RGL3: variants seen among roughly 807,000 people sequenced by gnomAD.
RGL3 encodes ral guanine nucleotide dissociation stimulator-like 3.
A neutral mutation model predicts 90.6 loss-of-function variants in RGL3; 85 were observed. The observed-to-expected ratio is 0.94, with a 90% CI of 0.79 to 1.12. The LOEUF (loss-of-function observed/expected upper bound fraction) is 1.12, where lower values mean the gene tolerates loss of function less well. RGL3 is among the 50% of genes most tolerant of loss of function. The pLI is 0.00. For missense variants in RGL3, 1,034 were observed against 939.2 expected (o/e 1.10, Z -1.32); for synonymous variants, 408 against 385.5 (o/e 1.06, Z -0.68).
chr19:11,417,119 C>A, intron 2 of RGL3, 60 bp from the exon 3 acceptor site: 4 of 1,215,060 alleles, frequency 3.3e-6, no homozygotes, highest in Non-Finnish European at 4.6e-6. Context: ...CACCCCTTCT[C>A]TAGTCACATT....
At position 11,402,669 on chromosome 19, in the gene RGL3, G is replaced by A. The variant is rs960225093; in HGVS notation, c.1223C>T (p.Thr408Ile). The change falls in exon 10 of 19, where the codon ACC becomes ATC. Residue 408 changes from threonine to isoleucine, a missense_variant. Transcript: ENST00000380456. ...ACTCACTGAGGGCAGGCTGCCTGGG[G>A]TGTTGTCCTCTTCTTGGGATCCCTC... ...ATEGSQEEDN[T>I]PGSLPSKPPP... The A allele has an allele frequency of 7.4e-6, 12 of 1,613,852 alleles. No homozygotes were observed. In the Admixed American group the frequency reaches 1.0e-4, roughly 13 times the overall value.
rs750343055 is a variant in RGL3, at chr19:11,402,562, G to A, written c.1243-21C>T. On this transcript the variant is annotated intron_variant, in intron 10 of 18. Coordinates refer to ENST00000380456, the MANE Select transcript of RGL3 (RefSeq NM_001035223.4). ...GGTTTCTGCAGCCCCCAAAGCTCCA[G>A]TCACTTGGGGCCATTACTGACCCCA... 4.4e-6 allele frequency: 7 copies of A among 1,606,022 alleles called. No homozygotes were observed. In the East Asian group the frequency reaches 1.3e-4, roughly 31 times the overall value.
intron 13 of RGL3, 48 bp from the exon 14 acceptor site, chr19:11,400,345 G>T: frequency 6.8e-7 from 1 of 1,480,038 alleles, no homozygotes; most frequent in Non-Finnish European, 9.1e-7. Flanking sequence ...GAAATACAGG[G>T]GATGGAGAGA....
chr19:11,397,490 G>A lies in RGL3; in HGVS notation c.1854C>T (p.Arg618=), dbSNP rs201757947. 20 of 1,613,512 alleles carry A rather than the reference G, an allele frequency of 1.2e-5. No individual in the cohort carries two copies. In the South Asian group the frequency reaches 1.6e-4, roughly 13 times the overall value. ...TCCCGTGGTCATTGTCGATGCTGAC[G>A]CGGATGACACGGGCCTCCGAGCTCT... ...AQQSSEARVI[R]VSIDNDHGNL... The change falls in exon 17 of 19, where the codon CGC becomes CGT. Residue 618 remains arginine, a synonymous_variant. Coordinates refer to ENST00000380456, the MANE Select transcript of RGL3 (RefSeq NM_001035223.4).
intron 5 of RGL3, among the ~76,000 whole-genome samples, chr19:11,408,265 G>T (rs1599437951): frequency 6.6e-6 from 1 of 152,216 alleles, no homozygotes; most frequent in Non-Finnish European, 1.5e-5. Flanking sequence ...GCGCCTGGCT[G>T]TGGATTTCGT....
intron 2 of RGL3, 68 bp downstream of exon 2, chr19:11,418,603 C>G: frequency 7.8e-7 from 1 of 1,287,918 alleles, no homozygotes; most frequent in Non-Finnish European, 1.1e-6. Flanking sequence ...GGCCTGTGCT[C>G]GGCTCTCCAG....
At chr19:11,398,276 C>A (rs1968612540) in intron 16 of RGL3, among the ~76,000 whole-genome samples, 1 of 152,172 alleles carries the variant, frequency 6.6e-6, no homozygotes, top group East Asian at 1.9e-4. Flanking sequence ...TGCCAATGAA[C>A]AACCCCACAC....
chr19:11,402,964 C>G (rs1292796407), intron 9 of RGL3, among the ~76,000 whole-genome samples: 1 of 151,930 alleles, frequency 6.6e-6, no homozygotes, highest in African/African-American at 2.4e-5. Flanking sequence ...AAAAATTAGC[C>G]GGGTATGGTG....
In RGL3 at chr19:11,418,796, G is replaced by A. The variant is rs1440189314; in HGVS notation, c.34-12C>T. The stretch of plus-strand genomic sequence containing the variant: ...TCCTGCAGCGGTGCCTGGACGCACA[G>A]GCGGACTCAGGGCACCAAAGGGGCA... On this transcript the variant is annotated splice_polypyrimidine_tract_variant and intron_variant, in intron 1 of 18. Transcript: ENST00000380456. 1.3e-6 allele frequency: 2 copies of A among 1,535,300 alleles called. No individual in the cohort carries two copies. The highest frequency in any genetic ancestry group is 1.7e-6 in the Non-Finnish European group (2 of 1,143,366).
chr19:11,397,572 C>G lies in RGL3; in HGVS notation c.1772G>C (p.Ser591Thr). 1 of 1,581,762 alleles carries G rather than the reference C, an allele frequency of 6.3e-7. No individual in the cohort carries two copies. The highest frequency in any genetic ancestry group is 1.1e-5 in the South Asian group (1 of 88,192). Residue 591 changes from serine to threonine, a missense_variant, in exon 17 of 19, where the codon AGC becomes ACC. Ser to Thr is a moderately conservative substitution (Grantham distance 58). Coordinates refer to ENST00000380456, the MANE Select transcript of RGL3 (RefSeq NM_001035223.4). ...CAGAGGCAAAGCGAAGGGCCGGGGG[C>G]TGGGCAGGTCCAGGCTCAGGGGCAG... ...TKLPLSLDLP[S>T]PRPFALPLGS...
intron 5 of RGL3, 74 bp downstream of exon 5, chr19:11,415,863 A>C: frequency 3.9e-6 from 5 of 1,287,684 alleles, no homozygotes; most frequent in Non-Finnish European, 4.3e-6. Flanking sequence ...CTGAGAGGGG[A>C]GAGAAAGCCT....
chr19:11,405,101 C>T (rs377494062), intron 9 of RGL3, 46 bp downstream of exon 9: 1 of 1,553,372 alleles, frequency 6.4e-7, no homozygotes, highest in African/African-American at 1.4e-5. Flanking sequence ...AGTCCCTCCC[C>T]CGACTTCCCG....
rs371281242 is a variant in RGL3, at chr19:11,402,097, C to T, written c.1398G>A (p.Gln466=). The T allele has an allele frequency of 8.8e-6, 14 of 1,599,528 alleles. No homozygotes were observed. The African/African-American group carries it at 1.2e-4, about 14-fold the overall frequency. Residue 466 remains glutamine (Q), a synonymous_variant, in exon 13 of 19, where the codon CAG becomes CAA. Coordinates refer to ENST00000380456, the MANE Select transcript of RGL3 (RefSeq NM_001035223.4). The stretch of plus-strand genomic sequence containing the variant: ...TCAGGGTGTAGCTCTGACAGCGCCT[C>T]TGCAGCTGCTGGATGCGGGCCAGGA... The part of the protein sequence containing the change: ...WEILARIQQL[Q]RRCQSYTLSP...
intron 13 of RGL3, among the ~76,000 whole-genome samples, chr19:11,400,636 C>T (rs920486238): frequency 6.6e-6 from 1 of 151,600 alleles, no homozygotes; most frequent in Non-Finnish European, 1.5e-5. Context: ...AGGATTGCTT[C>T]GGGTCAAGAG....
Position 11,416,050 on chromosome 19 carries a change from A to G in RGL3, c.524T>C (p.Leu175Pro), listed in dbSNP as rs760306035. The G allele has an allele frequency of 6.2e-7, 1 of 1,613,694 alleles. No homozygotes were observed. The highest frequency in any genetic ancestry group is 8.5e-7 in the Non-Finnish European group (1 of 1,179,888). Residue 175 changes from leucine (L) to proline (P), a missense_variant, in exon 5 of 19, where the codon CTG becomes CCG. Physicochemically the swap from Leu to Pro is moderately conservative, Grantham distance 98 (BLOSUM62 -3). Coordinates refer to ENST00000380456, the MANE Select transcript of RGL3 (RefSeq NM_001035223.4). Reference sequence around the variant, plus strand: ...AGCACTCCCTGGGGCCGCCCAGCCCAGAAAGGTTCGGACACTGCCCAGGTC... The same window carrying G: ...AGCACTCCCTGGGGCCGCCCAGCCCGGAAAGGTTCGGACACTGCCCAGGTC... ...HSDLGSVRTF[L>P]GWAAPGSAEA...
chr19:11,401,883 T>G, intron 13 of RGL3, 128 bp downstream of exon 13: 2 of 1,207,702 alleles, frequency 1.7e-6, no homozygotes, highest in African/African-American at 1.5e-5. Context: ...GGTCACAGGT[T>G]GTAGTGGGGG....
chr19:11,398,110 A>G (rs555356525), intron 16 of RGL3, among the ~76,000 whole-genome samples: 11 of 152,284 alleles, frequency 7.2e-5, no homozygotes, highest in African/African-American at 2.6e-4. Context: ...GAGTACATTC[A>G]CAAGCCTGCA....
rs766236388 is a variant in RGL3 at position 11,418,812 on chromosome 19, CA to C, written c.34-29del. ...GGACGCACAGGCGGACTCAGGGCAC[CA>C]AAGGGGCACAGGTCCTGGGGCCTCA... On this transcript the variant is annotated intron_variant, in intron 1 of 18. Coordinates refer to ENST00000380456, the MANE Select transcript of RGL3 (RefSeq NM_001035223.4). The C allele has an allele frequency of 2.6e-6, 4 of 1,517,970 alleles. No individual in the cohort carries two copies. The South Asian group carries it at 3.6e-5, about 14-fold the overall frequency. 94.0% of individuals were successfully genotyped at this position (1,517,970 alleles called of 1,614,324 possible).
chr19:11,416,678 G>GC lies in RGL3; in HGVS notation c.372-12dup. 1 of 1,613,568 alleles carries GC rather than the reference G, an allele frequency of 6.2e-7. No homozygotes were observed. The highest frequency in any genetic ancestry group is 8.5e-7 in the Non-Finnish European group (1 of 1,179,548). On this transcript the variant is annotated splice_polypyrimidine_tract_variant and intron_variant, in intron 3 of 18. Coordinates refer to ENST00000380456, the MANE Select transcript of RGL3 (RefSeq NM_001035223.4). ...TTCTTGATCTCTACCCTGGGAAGAG[G>GC]CCCCCCAGCAGGTGAAGAAGGGGGA...
Sources: gnomAD v4.1 joint callset for allele counts (sites outside exome capture counted in the v4.1 genomes callset) on GRCh38, gnomAD v4.1.1 for gene constraint, MANE v1.5 for transcripts, NCBI Gene and HGNC (gene_info 2026-07-23, HGNC 2026-07-21) for gene names.